NFATC3: variants seen among roughly 807,000 people sequenced by gnomAD.
NFATC3 encodes nuclear factor of activated T-cells, cytoplasmic 3.
A neutral mutation model predicts 98.6 loss-of-function variants in NFATC3; 46 were observed. The observed-to-expected ratio is 0.47, with a 90% CI of 0.37 to 0.60. The LOEUF is 0.60. NFATC3 is among the 20% of genes least tolerant of loss of function. NFATC3 has a pLI of 0.00. For synonymous variants in NFATC3, 512 were observed against 472.2 expected, an observed-to-expected ratio of 1.08 and a Z score of -1.09; for missense variants, 1,256 against 1,295.5, an observed-to-expected ratio of 0.97 and a Z score of 0.47.
At chr16:68,171,255 G>A (rs867613761) in intron 5 of NFATC3, among the ~76,000 whole-genome samples, 5 of 151,838 alleles carry the variant, frequency 3.3e-5, no homozygotes, top group Middle Eastern at 6.8e-3. Context: ...ATGATCTGCC[G>A]GCCTTGGTCT....
At position 68,203,394 on chromosome 16, in the gene NFATC3, G is replaced by A. The variant is rs144557053; in HGVS notation, c.3106+11619G>A. The stretch of plus-strand genomic sequence containing the variant: ...CGTGTGTAATCCCAGCACTTTGGGA[G>A]GCCAGAGCCGGTGGATCGCTTGAGC... On this transcript the variant is annotated intron_variant, in intron 9 of 9. Coordinates refer to ENST00000346183, the MANE Select transcript of NFATC3 (RefSeq NM_173165.3). 3.5e-3 allele frequency among the ~76,000 whole-genome samples: 540 copies of A among 152,210 alleles called. 1 individual carries two copies. Among genetic ancestry groups the A allele is most frequent in the African/African-American group, 0.012 (496 of 41,526 alleles).
At chr16:68,225,680 ATAGACTC>A (rs1177995395) in intron 9 of NFATC3, 3 of 152,230 alleles carry the variant, frequency 2.0e-5, no homozygotes, top group Non-Finnish European at 4.4e-5. Context: ...TGGAATTAGC[ATAGACTC>A]TTTAGTTGAT....
chr16:68,214,530 A>G (rs1230042309), intron 9 of NFATC3: 1 of 972,710 alleles, frequency 1.0e-6, no homozygotes, highest in East Asian at 2.5e-5. Flanking sequence ...GGGGGTATGC[A>G]CGGGCATTTT....
chr16:68,214,353 A>G (rs1207443485), intron 9 of NFATC3: 1 of 1,614,078 alleles, frequency 6.2e-7, no homozygotes, highest in East Asian at 2.2e-5. Context: ...GACTTGGAAC[A>G]CCAGCCATCA....
chr16:68,157,778 G>A, intron 3 of NFATC3, 91 bp from the exon 4 acceptor site: 1 of 984,674 alleles, frequency 1.0e-6, no homozygotes, highest in Non-Finnish European at 1.5e-6. Context: ...AATAGTATAT[G>A]ATAGAGATAT....
intron 3 of NFATC3, among the ~76,000 whole-genome samples, chr16:68,135,325 G>T (rs894352171): frequency 6.6e-6 from 1 of 151,924 alleles, no homozygotes; most frequent in Admixed American, 6.6e-5. Flanking sequence ...GAGCGTGTTG[G>T]TGGGCACCTG....
At position 68,191,328 on chromosome 16, in the gene NFATC3, T is replaced by C; in HGVS notation, c.2659T>C (p.Ser887Pro). The change falls in exon 9 of 10, where the codon TCA (serine) becomes CCA (proline). Residue 887 changes from serine to proline, a missense_variant. Physicochemically the swap from Ser to Pro is moderately conservative, Grantham distance 74. Transcript: ENST00000346183. ...PHLQSMGYHC[S>P]NTGQRSLSSP... ...TCTGCAATCAATGGGATATCATTGT[T>C]CAAATACAGGACAAAGATCTCTTTC... 1 of 1,614,182 alleles carries C rather than the reference T, an allele frequency of 6.2e-7. No homozygotes were observed. Among genetic ancestry groups the C allele is most frequent in the East Asian group, 2.2e-5 (1 of 44,884 alleles).
At chr16:68,165,510 C>T (rs1328685821) in intron 4 of NFATC3, among the ~76,000 whole-genome samples, 3 of 151,202 alleles carry the variant, frequency 2.0e-5, no homozygotes, top group African/African-American at 4.9e-5. Context: ...AGTTTTCCTG[C>T]CTCAGCCTCC....
intron 1 of NFATC3, among the ~76,000 whole-genome samples, chr16:68,111,821 G>T (rs1455172390): frequency 6.6e-6 from 1 of 152,178 alleles, no homozygotes; most frequent in East Asian, 1.9e-4. Flanking sequence ...AGACCTGGTG[G>T]TGCTGAATTC....
intron 1 of NFATC3, among the ~76,000 whole-genome samples, chr16:68,116,172 C>CT (rs1211069066): frequency 7.2e-5 from 11 of 151,774 alleles, no homozygotes; most frequent in Middle Eastern, 3.2e-3. Context: ...TGAATCATAA[C>CT]TTTTTTTTGT....
intron 9 of NFATC3, chr16:68,214,411 T>A: frequency 1.2e-6 from 2 of 1,614,062 alleles, no homozygotes; most frequent in Non-Finnish European, 8.5e-7. Context: ...CATGTCCAGC[T>A]CCTTTCTGGA....
chr16:68,171,470 T>A (rs2039456121), intron 5 of NFATC3, among the ~76,000 whole-genome samples: 2 of 150,768 alleles, frequency 1.3e-5, no homozygotes, highest in Non-Finnish European at 3.0e-5. Flanking sequence ...ATCCCATACC[T>A]ATCTTTTTTT....
intron 2 of NFATC3, among the ~76,000 whole-genome samples, chr16:68,124,216 C>G (rs954571559): frequency 3.9e-5 from 6 of 151,930 alleles, no homozygotes; most frequent in African/African-American, 1.2e-4. Flanking sequence ...ATCCTTATAC[C>G]TCAGGCTCCT....
chr16:68,150,569 G>A (rs2038265606), intron 3 of NFATC3, among the ~76,000 whole-genome samples: 2 of 151,748 alleles, frequency 1.3e-5, no homozygotes, highest in Admixed American at 1.3e-4. Context: ...GTGACATAAC[G>A]AGACCCTGAA....
intron 9 of NFATC3, chr16:68,225,598 T>G (rs1029618850): frequency 1.3e-5 from 2 of 152,252 alleles, no homozygotes; most frequent in African/African-American, 4.8e-5. Context: ...TTATTAATAA[T>G]GCTGCTGTGA....
intron 1 of NFATC3, among the ~76,000 whole-genome samples, chr16:68,118,159 C>G (rs1442176109): frequency 6.6e-6 from 1 of 152,190 alleles, no homozygotes; most frequent in African/African-American, 2.4e-5. Flanking sequence ...GCCCCGCTGA[C>G]TCTCTTTCTT....
At chr16:68,160,942 C>T (rs2038861973) in intron 4 of NFATC3, among the ~76,000 whole-genome samples, 1 of 142,280 alleles carries the variant, frequency 7.0e-6, no homozygotes, top group African/African-American at 2.9e-5. Context: ...GCTTTAGCCT[C>T]CCAAAGTGCT....
Position 68,226,613 on chromosome 16 carries a change from C to T in NFATC3, c.*142C>T. On this transcript the variant is annotated 3_prime_UTR_variant, in exon 10 of 10. Transcript: ENST00000346183. ...TTGTGGGGAAAGTAGCATTCCTCCA[C>T]CTCAGGCCTTGGGTAGATTTGGCAA... 1.0e-6 allele frequency: 1 copy of T among 963,704 alleles called. No individual in the cohort carries two copies. Among genetic ancestry groups the T allele is most frequent in the South Asian group, 2.5e-5 (1 of 39,370 alleles). The allele number at this position is 963,704 out of a possible 1,614,324, so 59.7% of individuals were successfully genotyped here. A position where few individuals can be genotyped will look rare whatever the true frequency, so the allele number is the denominator to read the frequency against.
chr16:68,131,770 G>A (rs2037126367), intron 3 of NFATC3, among the ~76,000 whole-genome samples: 1 of 151,802 alleles, frequency 6.6e-6, no homozygotes, highest in Non-Finnish European at 1.5e-5. Flanking sequence ...TTACAGGTCT[G>A]AGCCACTGCA....
Sources: gnomAD v4.1 joint callset for allele counts (sites outside exome capture counted in the v4.1 genomes callset) on GRCh38, gnomAD v4.1.1 for gene constraint, MANE v1.5 for transcripts, NCBI Gene and HGNC (gene_info 2026-07-23, HGNC 2026-07-21) for gene names.